The following CTNNA2 variants were observed in gnomAD, a reference collection of about 807,000 sequenced individuals.
CTNNA2 encodes catenin alpha 2.
A neutral mutation model predicts 101.0 loss-of-function variants in CTNNA2; 42 were observed. That is an observed-to-expected ratio of 0.42 (90% CI 0.32 to 0.54). The LOEUF (loss-of-function observed/expected upper bound fraction) is 0.54, where lower values mean the gene tolerates loss of function less well. CTNNA2 is among the 20% of genes least tolerant of loss of function. The pLI is 0.14. For synonymous variants in CTNNA2, 450 were observed against 456.4 expected (o/e 0.99, Z 0.18); for missense variants, 871 against 1,223.1 (o/e 0.71, Z 4.29).
chr2:80,391,959 G>C (rs951610454), intron 7 of CTNNA2, among the ~76,000 whole-genome samples: 14 of 152,130 alleles, frequency 9.2e-5, no homozygotes, highest in African/African-American at 3.4e-4. Context: ...CCTTGGTTTG[G>C]GCTTTTTAAT....
Position 79,888,917 on chromosome 2 carries a change from G to A in CTNNA2, c.852+14575G>A, listed in dbSNP as rs111542299. On this transcript the variant is annotated intron_variant, in intron 6 of 18. Coordinates refer to ENST00000402739, the MANE Select transcript of CTNNA2 (RefSeq NM_001282597.3). ...TATTAGTTATACTTTTTCAAATTTC[G>A]GACCCAAATAAGGCCACTTATCTAG... 1.7e-3 allele frequency among the ~76,000 whole-genome samples: 256 copies of A among 151,912 alleles called. 1 individual carries two copies. Among genetic ancestry groups the A allele is most frequent in the African/African-American group, 5.5e-3 (228 of 41,428 alleles).
At chr2:80,222,407 G>T (rs1014408406) in intron 7 of CTNNA2, among the ~76,000 whole-genome samples, 5 of 151,822 alleles carry the variant, frequency 3.3e-5, no homozygotes, top group African/African-American at 1.2e-4. Flanking sequence ...GTTTATATTT[G>T]CAAATCTTAT....
chr2:80,561,182 T>C (rs1693557512), intron 12 of CTNNA2, among the ~76,000 whole-genome samples: 1 of 151,566 alleles, frequency 6.6e-6, no homozygotes, highest in South Asian at 2.1e-4. Flanking sequence ...CAGAAGGAGG[T>C]GGTAGGGGCA....
intron 2 of CTNNA2, among the ~76,000 whole-genome samples, chr2:79,210,088 T>TTTTGTGTGTG (rs112984318): frequency 1.9e-4 from 28 of 144,884 alleles, no homozygotes; most frequent in African/African-American, 6.5e-4. Flanking sequence ...TCAAGCTATA[T>TTTTGTGTGTG]TGTGTGTGTG....
intron 7 of CTNNA2, among the ~76,000 whole-genome samples, chr2:79,969,888 A>G (rs1343859415): frequency 6.6e-6 from 1 of 152,202 alleles, no homozygotes; most frequent in Non-Finnish European, 1.5e-5. Flanking sequence ...GTGTGGTTTT[A>G]TTGACAAATG....
At chr2:80,466,280 A>G (rs966079208) in intron 9 of CTNNA2, among the ~76,000 whole-genome samples, 1 of 152,184 alleles carries the variant, frequency 6.6e-6, no homozygotes, top group African/African-American at 2.4e-5. Context: ...GCTCAGAGAA[A>G]AAAGGAGATG....
intron 1 of CTNNA2, among the ~76,000 whole-genome samples, chr2:79,188,667 G>A (rs9309546): frequency 0.29 from 43,831 of 152,008 alleles, 6,721 homozygotes; most frequent in Middle Eastern, 0.4. Flanking sequence ...TAGAGGACAG[G>A]TTGAATTCAC....
intron 3 of CTNNA2, among the ~76,000 whole-genome samples, chr2:79,813,279 T>C (rs1212166505): frequency 1.3e-5 from 2 of 152,034 alleles, no homozygotes; most frequent in African/African-American, 4.8e-5. Flanking sequence ...AGTGCAAAAA[T>C]AGACATCAGA....
chr2:80,245,774 A>C (rs1242440151), intron 7 of CTNNA2, among the ~76,000 whole-genome samples: 1 of 148,762 alleles, frequency 6.7e-6, no homozygotes, highest in African/African-American at 2.5e-5. Context: ...CAACCATTTA[A>C]AACTGTGATT....
chr2:80,303,907 G>T lies in CTNNA2; in HGVS notation c.1057-89304G>T, dbSNP rs932089342. On this transcript the variant is annotated intron_variant, in intron 7 of 18. Transcript: ENST00000402739. This position sits in a 1 kb window ranked among gnomAD's most constrained non-coding sequence, Gnocchi z 7.7. ...CATCATATTTTATTCCGAGGGAGGGGAAGCGGGGGAGGGGGAGAAAAGGGC... is the reference window on the plus strand; with the variant it reads ...CATCATATTTTATTCCGAGGGAGGGTAAGCGGGGGAGGGGGAGAAAAGGGC... The T allele has an allele frequency of 5.6e-6, 8 of 1,419,380 alleles. No homozygotes were observed. The East Asian group carries it at 2.0e-4, about 35-fold the overall frequency. 87.9% of individuals were successfully genotyped at this position (1,419,380 alleles called of 1,614,324 possible). A position where few individuals can be genotyped will look rare whatever the true frequency, so the allele number is the denominator to read the frequency against.
At chr2:79,202,857 G>T (rs374161754) in intron 2 of CTNNA2, among the ~76,000 whole-genome samples, 2 of 152,214 alleles carry the variant, frequency 1.3e-5, no homozygotes, top group South Asian at 2.1e-4. Context: ...TCCCCAAAAG[G>T]GTCACAAATT....
At chr2:80,526,321 TC>T (rs1313263879) in intron 9 of CTNNA2, among the ~76,000 whole-genome samples, 1 of 152,168 alleles carries the variant, frequency 6.6e-6, no homozygotes, top group Non-Finnish European at 1.5e-5. Flanking sequence ...TGCCTCAGCC[TC>T]CTGAGTAGCT....
chr2:79,420,604 A>G (rs1432042659), intron 4 of CTNNA2, among the ~76,000 whole-genome samples: 1 of 152,174 alleles, frequency 6.6e-6, no homozygotes, highest in African/African-American at 2.4e-5. Flanking sequence ...CAATTATTAG[A>G]TATTAAACTG....
At chr2:79,237,040 T>G (rs1483607121) in intron 2 of CTNNA2, among the ~76,000 whole-genome samples, 1 of 152,226 alleles carries the variant, frequency 6.6e-6, no homozygotes, top group East Asian at 1.9e-4. Flanking sequence ...TATTTTCCAG[T>G]AGACTTTCAA....
chr2:80,253,269 A>G (rs1002242266), intron 7 of CTNNA2, among the ~76,000 whole-genome samples: 4 of 152,144 alleles, frequency 2.6e-5, no homozygotes, highest in Non-Finnish European at 4.4e-5. Context: ...ATCAGTTTGC[A>G]CTATATGATA....
intron 4 of CTNNA2, among the ~76,000 whole-genome samples, chr2:79,454,891 T>A (rs925673981): frequency 6.6e-6 from 1 of 152,216 alleles, no homozygotes; most frequent in Non-Finnish European, 1.5e-5. Flanking sequence ...TCTTTCTTGT[T>A]ACACTATAAT....
At chr2:79,619,715 A>G (rs1282544318) in intron 1 of CTNNA2, among the ~76,000 whole-genome samples, 1 of 152,226 alleles carries the variant, frequency 6.6e-6, no homozygotes, top group Non-Finnish European at 1.5e-5. Context: ...CACTCATATT[A>G]AATGGCTCAG....
intron 1 of CTNNA2, among the ~76,000 whole-genome samples, chr2:79,565,759 G>A (rs1675072832): frequency 6.6e-6 from 1 of 152,054 alleles, no homozygotes; most frequent in African/African-American, 2.4e-5. Context: ...TTTGTTTCAT[G>A]TGAGGTTCTT....
chr2:79,634,870 A>G (rs1452094122), intron 1 of CTNNA2, among the ~76,000 whole-genome samples: 2 of 152,218 alleles, frequency 1.3e-5, no homozygotes, highest in African/African-American at 2.4e-5. Context: ...CTTAAGATGC[A>G]CAATTGGCAA....
Sources: allele counts gnomAD v4.1 joint callset (sites outside exome capture counted in the v4.1 genomes callset), GRCh38; gene constraint gnomAD v4.1.1; non-coding constraint Gnocchi (gnomAD v3.1); transcripts MANE v1.5; gene names NCBI Gene and HGNC (gene_info 2026-07-23, HGNC 2026-07-21).